The following PCDH7 variants were observed in gnomAD, a reference collection of about 807,000 sequenced individuals.
The protein encoded by PCDH7 is protocadherin 7.
Under a neutral mutation model 58.9 loss-of-function variants are expected in PCDH7, and 17 were observed. The ratio of observed to expected loss-of-function variants is 0.29; its 90% confidence interval spans 0.20 to 0.43. The LOEUF (loss-of-function observed/expected upper bound fraction) is 0.43. PCDH7 is among the 20% of genes least tolerant of loss of function. PCDH7 has a pLI of 1.00. For synonymous variants in PCDH7, 664 were observed against 616.4 expected (o/e 1.08, Z -1.14); for missense variants, 1,274 against 1,441.0 (o/e 0.88, Z 1.88).
At chr4:31,125,977 T>C (rs1468711993) in intron 3 of PCDH7, among the ~76,000 whole-genome samples, 1 of 152,178 alleles carries the variant, frequency 6.6e-6, no homozygotes, top group East Asian at 1.9e-4. Flanking sequence ...GGCATCAGAC[T>C]ACTTGGGTGT....
rs115724476 is a variant in PCDH7 at position 31,046,906 on chromosome 4, G to A, written c.*8-95567G>A. Among the ~76,000 whole-genome samples the A allele has an allele frequency of 7.1e-3, 1,073 of 151,964 alleles. 11 individuals carry two copies. Among genetic ancestry groups the A allele is most frequent in the African/African-American group, 0.018 (738 of 41,496 alleles). ...TATATACATTATAAATCCAACATAA[G>A]CATTTATAAGTGCAAAGAGGGATTG... On this transcript the variant is annotated intron_variant, in intron 3 of 3. Transcript: ENST00000509759.
At chr4:30,757,297 A>G (rs2109264810) in intron 1 of PCDH7, among the ~76,000 whole-genome samples, 1 of 152,278 alleles carries the variant, frequency 6.6e-6, no homozygotes, top group Non-Finnish European at 1.5e-5. Context: ...AGTTATTCCA[A>G]AAAAATAGAT....
chr4:31,098,007 A>T (rs190045745), intron 3 of PCDH7, among the ~76,000 whole-genome samples: 29 of 152,274 alleles, frequency 1.9e-4, no homozygotes, highest in African/African-American at 5.1e-4. Context: ...CAGGTCACGG[A>T]TTATCCTAAG....
At chr4:31,004,628 G>A (rs1188076396) in intron 3 of PCDH7, among the ~76,000 whole-genome samples, 1 of 152,150 alleles carries the variant, frequency 6.6e-6, no homozygotes, top group Admixed American at 6.5e-5. Context: ...GGAGGTTGCA[G>A]TGAGCCGAGA....
At chr4:31,092,854 T>A (rs1289659549) in intron 3 of PCDH7, among the ~76,000 whole-genome samples, 1 of 152,114 alleles carries the variant, frequency 6.6e-6, no homozygotes, top group African/African-American at 2.4e-5. Flanking sequence ...CTCATTTCTA[T>A]GACTGGATGG....
At chr4:30,896,602 G>A (rs1739417330) in intron 1 of PCDH7, among the ~76,000 whole-genome samples, 1 of 151,676 alleles carries the variant, frequency 6.6e-6, no homozygotes, top group Non-Finnish European at 1.5e-5. Context: ...AACTAATTAG[G>A]TAAAATAAAA....
At chr4:30,749,391 G>A (rs1185152511) in intron 1 of PCDH7, among the ~76,000 whole-genome samples, 4 of 151,968 alleles carry the variant, frequency 2.6e-5, no homozygotes, top group East Asian at 3.9e-4. Flanking sequence ...TTTTTTCTTC[G>A]TCATGGTAGT....
intron 3 of PCDH7, among the ~76,000 whole-genome samples, chr4:30,998,043 A>T (rs1008859533): frequency 3.3e-5 from 5 of 152,138 alleles, no homozygotes; most frequent in Non-Finnish European, 7.4e-5. Context: ...GAAGTTACAA[A>T]CTCTGCCAGG....
At chr4:31,024,631 C>G (rs1438950370) in intron 3 of PCDH7, among the ~76,000 whole-genome samples, 2 of 152,130 alleles carry the variant, frequency 1.3e-5, no homozygotes, top group East Asian at 3.9e-4. Context: ...TTTCTCAAAG[C>G]ATTTTTTTCT....
intron 3 of PCDH7, among the ~76,000 whole-genome samples, chr4:31,003,135 T>C (rs1342925926): frequency 1.3e-5 from 2 of 152,150 alleles, no homozygotes. Context: ...ACCATGCTTA[T>C]TTTTTTAAGC....
intron 3 of PCDH7, among the ~76,000 whole-genome samples, chr4:30,988,144 C>T (rs1236000513): frequency 3.3e-5 from 5 of 152,078 alleles, no homozygotes; most frequent in Admixed American, 1.3e-4. Flanking sequence ...TGAATCACCA[C>T]GTGAGAAAGG....
At chr4:30,951,414 G>GT (rs779646173) in intron 3 of PCDH7, among the ~76,000 whole-genome samples, 2 of 152,076 alleles carry the variant, frequency 1.3e-5, no homozygotes, top group Non-Finnish European at 2.9e-5. Context: ...TGATCATTGA[G>GT]TATCTTTCAT....
Position 30,723,148 on chromosome 4 carries a change from T to C in PCDH7, c.1726T>C (p.Ser576Pro), listed in dbSNP as rs1408766334. 1 of 1,614,082 alleles carries C rather than the reference T, an allele frequency of 6.2e-7. No individual in the cohort carries two copies. Among genetic ancestry groups the C allele is most frequent in the African/African-American group, 1.3e-5 (1 of 75,040 alleles). The change falls in exon 1 of 2, where the codon TCC (serine) becomes CCC (proline). Residue 576 changes from serine to proline, a missense_variant. Physicochemically the swap from Ser to Pro is moderately conservative, Grantham distance 74. This residue lies in a region of PCDH7 where 731 missense variants were observed against 881.9 expected (regional missense o/e 0.83). Coordinates refer to ENST00000361762, the Ensembl canonical transcript of PCDH7. The surrounding 1 kb of genome is among the most constrained non-coding windows in gnomAD (Gnocchi z 4.6). ...CGCCGAGATCGCCTACTCGCTGGAC[T>C]CCTCTGTGATGGGGATCTTTGCCAT...
chr4:30,958,708 T>G (rs1748099530), intron 3 of PCDH7, among the ~76,000 whole-genome samples: 1 of 152,016 alleles, frequency 6.6e-6, no homozygotes, highest in East Asian at 1.9e-4. Flanking sequence ...AGCATTTTGT[T>G]TCTTTTTAAG....
At chr4:30,946,856 C>A (rs1746752782) in intron 2 of PCDH7, among the ~76,000 whole-genome samples, 1 of 151,750 alleles carries the variant, frequency 6.6e-6, no homozygotes, top group Admixed American at 6.6e-5. Flanking sequence ...ATTACAGGCG[C>A]CCACCACCAT....
chr4:30,725,430 T>A (rs981693300), intron 1 of PCDH7: 3 of 269,416 alleles, frequency 1.1e-5, no homozygotes, highest in African/African-American at 6.9e-5. Context: ...GTAAAGATTA[T>A]GTGGAATATT....
chr4:31,141,445 G>A (rs571861557), intron 3 of PCDH7, among the ~76,000 whole-genome samples: 3 of 152,302 alleles, frequency 2.0e-5, no homozygotes, highest in African/African-American at 7.2e-5. Flanking sequence ...CTCAGAATCT[G>A]TTGAAGTAGA....
At chr4:30,955,931 T>C (rs1747814601) in intron 3 of PCDH7, among the ~76,000 whole-genome samples, 1 of 150,444 alleles carries the variant, frequency 6.6e-6, no homozygotes. Context: ...ACGCCTGTAA[T>C]CCCAGCACTT....
intron 3 of PCDH7, among the ~76,000 whole-genome samples, chr4:31,092,136 A>C (rs1464174522): frequency 6.6e-6 from 1 of 152,070 alleles, no homozygotes; most frequent in Admixed American, 6.6e-5. Flanking sequence ...CTTATGAATA[A>C]GAAAAGTAAT....
Sources: gnomAD v4.1 joint callset for allele counts (sites outside exome capture counted in the v4.1 genomes callset) on GRCh38, gnomAD v4.1.1 for gene constraint, gnomAD v4.1.1 regional missense constraint, Gnocchi (gnomAD v3.1) non-coding constraint, MANE v1.5 for transcripts, NCBI Gene and HGNC (gene_info 2026-07-23, HGNC 2026-07-21) for gene names.